The following KCNIP4 variants were observed in gnomAD, a reference collection of about 807,000 sequenced individuals.
KCNIP4 encodes Kv channel-interacting protein 4.
Under a neutral mutation model 34.0 loss-of-function variants are expected in KCNIP4, and 12 were observed. The ratio of observed to expected loss-of-function variants is 0.35; its 90% confidence interval spans 0.23 to 0.57. KCNIP4 has a LOEUF of 0.57. KCNIP4 is among the 20% of genes least tolerant of loss of function. KCNIP4 has a pLI of 0.83. For synonymous variants in KCNIP4, 124 were observed against 102.2 expected (o/e 1.21, Z -1.29); for missense variants, 238 against 311.7 (o/e 0.76, Z 1.78).
At chr4:21,708,908 A>T (rs1031076799) in intron 1 of KCNIP4, among the ~76,000 whole-genome samples, 5 of 152,178 alleles carry the variant, frequency 3.3e-5, no homozygotes, top group Non-Finnish European at 7.3e-5. Flanking sequence ...ATTTAAAAAC[A>T]ATTAGGCCAC....
chr4:21,392,365 A>C (rs1426930709), intron 1 of KCNIP4, among the ~76,000 whole-genome samples: 1 of 152,212 alleles, frequency 6.6e-6, no homozygotes, highest in Non-Finnish European at 1.5e-5. Context: ...ATTTTAATCA[A>C]CCTTGATAGC....
chr4:21,519,367 C>CGTATATGTATGTGTATAT (rs1735072342), intron 1 of KCNIP4, among the ~76,000 whole-genome samples: 7 of 131,962 alleles, frequency 5.3e-5, no homozygotes, highest in South Asian at 2.5e-4. Flanking sequence ...CACACACACA[C>CGTATATGTATGTGTATAT]ACACACGTAT....
intron 1 of KCNIP4, among the ~76,000 whole-genome samples, chr4:20,890,940 C>T (rs908062634): frequency 5.3e-5 from 8 of 152,122 alleles, no homozygotes; most frequent in African/African-American, 1.9e-4. Context: ...CCACTGGCTG[C>T]TTTTTGTGTT....
intron 1 of KCNIP4, among the ~76,000 whole-genome samples, chr4:21,092,841 G>A (rs1436464762): frequency 6.6e-6 from 1 of 152,166 alleles, no homozygotes; most frequent in Non-Finnish European, 1.5e-5. Flanking sequence ...TGTTGTACAT[G>A]ACTACATATA....
intron 1 of KCNIP4, among the ~76,000 whole-genome samples, chr4:21,797,221 C>T (rs1044048094): frequency 6.6e-6 from 1 of 152,188 alleles, no homozygotes; most frequent in African/African-American, 2.4e-5. Flanking sequence ...GATCATAGCT[C>T]AGTGCAGCTT....
At chr4:21,770,159 C>G (rs61708925) in intron 1 of KCNIP4, among the ~76,000 whole-genome samples, 22,544 of 152,064 alleles carry the variant, frequency 0.15, 5,624 homozygotes, top group African/African-American at 0.51. Context: ...GTGTTGTTCC[C>G]TTCTCTGTGT....
chr4:20,761,440 G>A (rs1201276445), intron 3 of KCNIP4, among the ~76,000 whole-genome samples: 1 of 152,140 alleles, frequency 6.6e-6, no homozygotes, highest in African/African-American at 2.4e-5. Context: ...TGACACCAAT[G>A]GACCCATTTT....
intron 1 of KCNIP4, among the ~76,000 whole-genome samples, chr4:21,659,031 T>C (rs1439345600): frequency 6.6e-6 from 1 of 152,234 alleles, no homozygotes; most frequent in Non-Finnish European, 1.5e-5. Context: ...TATAATTTAA[T>C]TAGCAGTTTA....
At chr4:21,645,628 C>G (rs990599480) in intron 1 of KCNIP4, among the ~76,000 whole-genome samples, 6 of 152,104 alleles carry the variant, frequency 3.9e-5, no homozygotes, top group African/African-American at 1.2e-4. Flanking sequence ...TTGTGTGGGA[C>G]AGTTCCCAGT....
intron 1 of KCNIP4, among the ~76,000 whole-genome samples, chr4:21,078,934 G>A (rs1745755847): frequency 3.3e-5 from 5 of 152,054 alleles, no homozygotes; most frequent in Admixed American, 3.3e-4. Context: ...GGAGAGCCTG[G>A]GCTGTCCTCT....
chr4:20,766,399 G>A (rs1461401038), intron 3 of KCNIP4, among the ~76,000 whole-genome samples: 2 of 151,942 alleles, frequency 1.3e-5, no homozygotes. Context: ...AACCCTGTCT[G>A]TACTAAAAAT....
At chr4:21,565,793 G>T (rs193087285) in intron 1 of KCNIP4, among the ~76,000 whole-genome samples, 39 of 152,232 alleles carry the variant, frequency 2.6e-4, no homozygotes, top group African/African-American at 7.7e-4. Context: ...GAAAAATGAG[G>T]AGTGCAGAGA....
chr4:21,245,603 G>C (rs1379233502), intron 1 of KCNIP4, among the ~76,000 whole-genome samples: 1 of 152,036 alleles, frequency 6.6e-6, no homozygotes, highest in Non-Finnish European at 1.5e-5. Context: ...ATTTTTAAGA[G>C]GGGAATAATA....
chr4:21,945,744 T>A (rs1730476947), intron 1 of KCNIP4, among the ~76,000 whole-genome samples: 1 of 151,952 alleles, frequency 6.6e-6, no homozygotes, highest in African/African-American at 2.4e-5. Flanking sequence ...TGAATTATCA[T>A]CTCCCTCAGT....
chr4:21,929,598 C>T (rs1428493959), intron 1 of KCNIP4, among the ~76,000 whole-genome samples: 3 of 152,086 alleles, frequency 2.0e-5, no homozygotes, highest in Non-Finnish European at 4.4e-5. Flanking sequence ...CAAACTTTTC[C>T]TGCTAAACAA....
intron 1 of KCNIP4, among the ~76,000 whole-genome samples, chr4:21,888,707 C>T (rs1271901400): frequency 6.6e-6 from 1 of 152,072 alleles, no homozygotes; most frequent in African/African-American, 2.4e-5. Flanking sequence ...TAACTGTCCA[C>T]ACCTTCTGAA....
intron 1 of KCNIP4, among the ~76,000 whole-genome samples, chr4:21,453,167 G>C (rs757523188): frequency 1.3e-5 from 2 of 152,042 alleles, no homozygotes; most frequent in African/African-American, 2.4e-5. Flanking sequence ...GCAGGTTTGA[G>C]GGGGAGGTAT....
intron 5 of KCNIP4, among the ~76,000 whole-genome samples, chr4:20,745,944 G>T (rs1412002698): frequency 6.6e-6 from 1 of 152,132 alleles, no homozygotes; most frequent in Non-Finnish European, 1.5e-5. Flanking sequence ...GTGTAAATTA[G>T]TTCAACCATT....
At chr4:21,419,643 T>G (rs1026143653) in intron 1 of KCNIP4, among the ~76,000 whole-genome samples, 12 of 152,128 alleles carry the variant, frequency 7.9e-5, no homozygotes, top group African/African-American at 2.9e-4. Context: ...TATTTATCAT[T>G]GTTGATTTTC....
Sources: allele counts gnomAD v4.1 joint callset (sites outside exome capture counted in the v4.1 genomes callset), GRCh38; gene constraint gnomAD v4.1.1; transcripts MANE v1.5; gene names NCBI Gene and HGNC (gene_info 2026-07-23, HGNC 2026-07-21).